Variants in PAX5 observed in about 807,000 individuals in gnomAD.
PAX5 encodes paired box protein Pax-5.
PAX5 carries 9 observed loss-of-function variants against 43.7 expected under a neutral mutation model. That is an observed-to-expected ratio of 0.21 (90% CI 0.12 to 0.36). The LOEUF is 0.36. PAX5 is among the 10% of genes least tolerant of loss of function. The probability of loss-of-function intolerance (pLI) is 1.00; values close to 1 mark genes in which losing one functional copy is unlikely to be tolerated. For synonymous variants in PAX5, 228 were observed against 214.3 expected (o/e 1.06, Z -0.56); for missense variants, 383 against 532.7 (o/e 0.72, Z 2.77).
chr9:36,880,778 A>G lies in PAX5; in HGVS notation c.1012+1226T>C, dbSNP rs149455141. 4.8e-3 allele frequency among the ~76,000 whole-genome samples: 733 copies of G among 152,316 alleles called. 6 individuals are homozygous for G. Among genetic ancestry groups the G allele is most frequent in the African/African-American group, 0.017 (689 of 41,574 alleles). On this transcript the variant is annotated intron_variant, in intron 8 of 9. Coordinates refer to ENST00000358127, the MANE Select transcript of PAX5 (RefSeq NM_016734.3). ...TGTTTAGTAGAGACAGGGCTTCGCC[A>G]TGTTGGCCAGGCTGGTCTCGAACTC...
At chr9:37,033,911 G>A (rs1588294607) in intron 1 of PAX5, 75 bp downstream of exon 1, 1 of 1,405,504 alleles carries the variant, frequency 7.1e-7, no homozygotes, top group Non-Finnish European at 1.0e-6. Flanking sequence ...CCTCCTCCAG[G>A]GTCACCCTGC....
chr9:37,033,320 G>C (rs901344385), intron 1 of PAX5, among the ~76,000 whole-genome samples: 1 of 152,240 alleles, frequency 6.6e-6, no homozygotes, highest in African/African-American at 2.4e-5. Flanking sequence ...CCCACGTCTA[G>C]GAGTTTGCCT....
chr9:36,952,921 A>C (rs1324338514), intron 6 of PAX5, among the ~76,000 whole-genome samples: 1 of 152,196 alleles, frequency 6.6e-6, no homozygotes, highest in Admixed American at 6.5e-5. Flanking sequence ...ACCTTCATTT[A>C]TTCTTTCTCC....
chr9:36,899,558 A>G (rs1254569794), intron 7 of PAX5, among the ~76,000 whole-genome samples: 1 of 151,876 alleles, frequency 6.6e-6, no homozygotes, highest in East Asian at 1.9e-4. Context: ...TTTTGAGCCC[A>G]ATCGGTGTTA....
At chr9:36,994,532 C>G (rs1315714665) in intron 5 of PAX5, among the ~76,000 whole-genome samples, 2 of 152,242 alleles carry the variant, frequency 1.3e-5, no homozygotes, top group Non-Finnish European at 2.9e-5. Context: ...CCGGCCAGTT[C>G]CAGGATCTGC....
chr9:36,862,351 C>A (rs911411356), intron 8 of PAX5, among the ~76,000 whole-genome samples: 2 of 152,154 alleles, frequency 1.3e-5, no homozygotes, highest in Non-Finnish European at 2.9e-5. Context: ...TCAATTCTCC[C>A]GCCCGCAGCA....
At chr9:36,863,909 G>A (rs1824502345) in intron 8 of PAX5, among the ~76,000 whole-genome samples, 1 of 152,212 alleles carries the variant, frequency 6.6e-6, no homozygotes, top group Admixed American at 6.5e-5. Context: ...AGGAGCTCAA[G>A]ACCAGCCTGG....
chr9:36,956,210 G>A (rs1833465028), intron 6 of PAX5, among the ~76,000 whole-genome samples: 3 of 152,040 alleles, frequency 2.0e-5, no homozygotes, highest in Admixed American at 2.0e-4. Flanking sequence ...TCACTGACAT[G>A]GCATATCTGT....
chr9:36,994,907 C>G (rs1205910974), intron 5 of PAX5, among the ~76,000 whole-genome samples: 1 of 152,314 alleles, frequency 6.6e-6, no homozygotes, highest in Non-Finnish European at 1.5e-5. Flanking sequence ...CCAATTCCCC[C>G]CTGGGTTCTA....
chr9:36,968,152 G>A (rs1834603595), intron 5 of PAX5, among the ~76,000 whole-genome samples: 1 of 152,208 alleles, frequency 6.6e-6, no homozygotes, highest in South Asian at 2.1e-4. Context: ...TTGCAGTCAG[G>A]AAGCCCTGGG....
At chr9:36,842,804 G>A (rs925177420) in intron 9 of PAX5, among the ~76,000 whole-genome samples, 4 of 152,164 alleles carry the variant, frequency 2.6e-5, no homozygotes, top group African/African-American at 9.7e-5. Flanking sequence ...CCACCCTGGG[G>A]CCCTGGTGGG....
chr9:36,899,866 T>G (rs1828213486), intron 7 of PAX5, among the ~76,000 whole-genome samples: 1 of 152,208 alleles, frequency 6.6e-6, no homozygotes, highest in Admixed American at 6.5e-5. Flanking sequence ...CCAAATCCAG[T>G]GCAACCATTT....
At chr9:36,939,826 T>G (rs1468860723) in intron 6 of PAX5, among the ~76,000 whole-genome samples, 3 of 148,078 alleles carry the variant, frequency 2.0e-5, no homozygotes, top group African/African-American at 5.0e-5. Context: ...AGAGAGAGAG[T>G]GAGAGAGCGC....
intron 5 of PAX5, among the ~76,000 whole-genome samples, chr9:36,998,931 T>G (rs1837619523): frequency 6.6e-6 from 1 of 152,190 alleles, no homozygotes; most frequent in South Asian, 2.1e-4. Flanking sequence ...TAATTCCACT[T>G]GTTTCTTTTT....
chr9:36,885,767 G>A (rs187342857), intron 7 of PAX5, among the ~76,000 whole-genome samples: 5 of 152,232 alleles, frequency 3.3e-5, no homozygotes, highest in Non-Finnish European at 5.9e-5. Context: ...CAGTGTGGAA[G>A]GTAATTCTTC....
intron 7 of PAX5, among the ~76,000 whole-genome samples, chr9:36,885,792 A>G (rs1009071552): frequency 2.0e-5 from 3 of 152,094 alleles, no homozygotes; most frequent in Non-Finnish European, 4.4e-5. Context: ...CACCCTCACC[A>G]CCATCAGCTT....
chr9:36,881,875 C>A, intron 8 of PAX5, 129 bp downstream of exon 8: 1 of 745,008 alleles, frequency 1.3e-6, no homozygotes, highest in Non-Finnish European at 2.3e-6. Context: ...AGAGTGCAGA[C>A]CTCTGCCTGA....
In PAX5 at chr9:37,015,013, C is replaced by T. The variant is rs762649232; in HGVS notation, c.394G>A (p.Val132Ile). The T allele has an allele frequency of 6.2e-7, 1 of 1,614,006 alleles. No homozygotes were observed. The highest frequency in any genetic ancestry group is 8.5e-7 in the Non-Finnish European group (1 of 1,179,942). ...GCCCCTCACCTGTTGATGGAACTGA[C>T]GCTAGGCACGGTGTCATTGTCACAC... ...RVCDNDTVPSVSSINRIIRTK... is the reference protein window; with the variant it reads ...RVCDNDTVPSISSINRIIRTK... The change falls in exon 3 of 10, where the codon GTC becomes ATC. Residue 132 changes from valine (V) to isoleucine (I), a missense_variant. By Grantham distance (29) the Val-to-Ile change is conservative (BLOSUM62 3). Coordinates refer to ENST00000358127, the MANE Select transcript of PAX5 (RefSeq NM_016734.3). This position sits in a 1 kb window ranked among gnomAD's most constrained non-coding sequence, Gnocchi z 4.4.
intron 6 of PAX5, among the ~76,000 whole-genome samples, chr9:36,957,805 A>G (rs886176845): frequency 1.3e-5 from 2 of 152,148 alleles, no homozygotes; most frequent in Non-Finnish European, 2.9e-5. Context: ...TCAAGTCCCC[A>G]AGTCCCTGCC....
Sources: allele counts gnomAD v4.1 joint callset (sites outside exome capture counted in the v4.1 genomes callset), GRCh38; gene constraint gnomAD v4.1.1; non-coding constraint Gnocchi (gnomAD v3.1); transcripts MANE v1.5; gene names NCBI Gene and HGNC (gene_info 2026-07-23, HGNC 2026-07-21).